Variants in ZSWIM6 observed in about 807,000 individuals in gnomAD.
ZSWIM6 encodes zinc finger SWIM-type containing 6.
A neutral mutation model predicts 113.2 loss-of-function variants in ZSWIM6; 9 were observed. The ratio of observed to expected loss-of-function variants is 0.08; its 90% CI spans 0.05 to 0.14. The LOEUF (loss-of-function observed/expected upper bound fraction) is 0.14, where lower values mean the gene tolerates loss of function less well. Ranked by LOEUF, ZSWIM6 falls within the 10% of genes least tolerant of loss-of-function variation. ZSWIM6 has a pLI of 1.00. For missense variants in ZSWIM6, 1,162 were observed against 1,552.2 expected, an observed-to-expected ratio of 0.75 and a Z score of 4.22; for synonymous variants, 611 against 606.5, an observed-to-expected ratio of 1.01 and a Z score of -0.11.
chr5:61,535,754 T>C, intron 10 of ZSWIM6, 135 bp downstream of exon 10: 3 of 1,148,972 alleles, frequency 2.6e-6, no homozygotes, highest in Non-Finnish European at 3.6e-6. Flanking sequence ...ATGCTTCCTG[T>C]ATTGTTGTGG....
chr5:61,375,082 G>T (rs557670663), intron 1 of ZSWIM6: 25 of 1,591,570 alleles, frequency 1.6e-5, no homozygotes, highest in Non-Finnish European at 2.1e-5. Context: ...GGTTTCCCTC[G>T]GTGTGCTACT....
rs1749853384 is a variant in ZSWIM6, at chr5:61,545,131, C to T, written c.*814C>T. The T allele has an allele frequency of 6.6e-6, 1 of 151,688 alleles. No homozygotes were observed. Among genetic ancestry groups the T allele is most frequent in the Non-Finnish European group, 1.5e-5 (1 of 67,994 alleles). The allele number at this position is 151,688 out of a possible 1,614,324, so 9.4% of individuals were successfully genotyped here. On this transcript the variant is annotated 3_prime_UTR_variant, in exon 14 of 14. Transcript: ENST00000252744. ...TCAGAAGGACTAAAAGTACGCCTTG[C>T]TTCAGGGTTGGCTCAGGTGGTGAAC...
chr5:61,431,433 T>TC, intron 1 of ZSWIM6, among the ~76,000 whole-genome samples: 1 of 151,108 alleles, frequency 6.6e-6, no homozygotes, highest in South Asian at 2.1e-4. Context: ...ATCTTTTTTT[T>TC]CTTCCTGTAT....
intron 1 of ZSWIM6, among the ~76,000 whole-genome samples, chr5:61,333,432 G>T (rs1744312885): frequency 6.6e-6 from 1 of 151,704 alleles, no homozygotes; most frequent in African/African-American, 2.4e-5. Context: ...CCTGTCGCTC[G>T]CTCCTTTTTC....
chr5:61,378,337 G>A (rs1745411571), intron 1 of ZSWIM6, among the ~76,000 whole-genome samples: 1 of 152,156 alleles, frequency 6.6e-6, no homozygotes, highest in Non-Finnish European at 1.5e-5. Context: ...ACTGATAGAG[G>A]ATGATGTAGA....
intron 1 of ZSWIM6, among the ~76,000 whole-genome samples, chr5:61,412,083 T>C (rs1746159349): frequency 6.6e-6 from 1 of 152,254 alleles, no homozygotes; most frequent in African/African-American, 2.4e-5. Flanking sequence ...ACTTTACTTC[T>C]GGTAAATCTA....
intron 1 of ZSWIM6, among the ~76,000 whole-genome samples, chr5:61,360,014 G>GAC (rs1280621913): frequency 2.6e-5 from 4 of 151,726 alleles, no homozygotes; most frequent in Admixed American, 2.6e-4. Flanking sequence ...GAGAGAGAGA[G>GAC]AGAGAGGGAG....
intron 2 of ZSWIM6, among the ~76,000 whole-genome samples, chr5:61,489,183 C>G (rs148692558): frequency 2.8e-3 from 421 of 152,144 alleles, no homozygotes; most frequent in Non-Finnish European, 4.1e-3. Flanking sequence ...AGACCCTTCT[C>G]TCCTTTCCTG....
intron 1 of ZSWIM6, among the ~76,000 whole-genome samples, chr5:61,436,453 A>G (rs1746709266): frequency 6.6e-6 from 1 of 152,032 alleles, no homozygotes; most frequent in African/African-American, 2.4e-5. Context: ...AATATACAGA[A>G]CTTATATATC....
At chr5:61,506,607 A>G (rs1748629334) in intron 4 of ZSWIM6, among the ~76,000 whole-genome samples, 1 of 152,134 alleles carries the variant, frequency 6.6e-6, no homozygotes, top group Non-Finnish European at 1.5e-5. Context: ...TTTTCCAAAC[A>G]TGGGATGACT....
At chr5:61,457,012 G>A (rs1747218393) in intron 1 of ZSWIM6, among the ~76,000 whole-genome samples, 4 of 150,666 alleles carry the variant, frequency 2.7e-5, no homozygotes, top group African/African-American at 7.3e-5. Flanking sequence ...CCACTAACTC[G>A]TCATCTAGCA....
At chr5:61,444,147 T>C (rs1746897086) in intron 1 of ZSWIM6, among the ~76,000 whole-genome samples, 3 of 135,090 alleles carry the variant, frequency 2.2e-5, no homozygotes, top group Non-Finnish European at 4.6e-5. Context: ...CCTTCCTGTG[T>C]CCATGTGTTC....
intron 2 of ZSWIM6, among the ~76,000 whole-genome samples, chr5:61,484,041 G>T (rs2112203384): frequency 6.6e-6 from 1 of 152,040 alleles, no homozygotes; most frequent in South Asian, 2.1e-4. Context: ...AAAATAAGTG[G>T]ATTATATTCT....
Position 61,355,440 on chromosome 5 carries a change from ACACACACACACACAC to A in ZSWIM6, c.676+22493_676+22507del, listed in dbSNP as rs1744881291. ...TCTTGAGAGACTTTAAAACACACACACACACACACACACACACACACACACACACACACACACACA... is the reference window on the plus strand; with the variant it reads ...TCTTGAGAGACTTTAAAACACACACAACACACACACACACACACACACACA... On this transcript the variant is annotated intron_variant, in intron 1 of 13. Transcript: ENST00000252744. Among the ~76,000 whole-genome samples, 190 of 40,522 alleles carry A rather than the reference ACACACACACACACAC, an allele frequency of 4.7e-3. 1 individual carries two copies. Among genetic ancestry groups the A allele is most frequent in the African/African-American group, 0.015 (167 of 10,810 alleles). 26.6% of individuals were successfully genotyped at this position (40,522 alleles called of 152,430 possible). A position where few individuals can be genotyped will look rare whatever the true frequency, so the allele number is the denominator to read the frequency against.
chr5:61,530,138 A>G lies in ZSWIM6; in HGVS notation c.1924A>G (p.Ser642Gly). The G allele has an allele frequency of 1.9e-6, 3 of 1,551,844 alleles. No homozygotes were observed. The highest frequency in any genetic ancestry group is 2.6e-6 in the Non-Finnish European group (3 of 1,146,956). Residue 642 changes from serine (S) to glycine (G), a missense_variant, in exon 8 of 14, where the codon AGC becomes GGC. Transcript: ENST00000252744. ...GGACCCTGTGGGCACTCTCTTCAGT[A>G]GCCTTATGGAAGCCTGCCGCATTGA... ...PLDPVGTLFS[S>G]LMEACRIDDE...
At chr5:61,374,306 A>C (rs1745323831) in intron 1 of ZSWIM6, among the ~76,000 whole-genome samples, 1 of 152,126 alleles carries the variant, frequency 6.6e-6, no homozygotes, top group African/African-American at 2.4e-5. Context: ...ATTGTTTCTT[A>C]TTTATATTTA....
Position 61,371,607 on chromosome 5 carries a change from G to T in ZSWIM6, c.676+38659G>T, listed in dbSNP as rs1479470166. Among the ~76,000 whole-genome samples, 7 of 152,300 alleles carry T rather than the reference G, an allele frequency of 4.6e-5. No homozygotes were observed. The South Asian group carries it at 1.2e-3, about 27-fold the overall frequency. ...TATCTTTTGATTTTTTTTCCTAAAG[G>T]TGAGTTTTATATAGGAATCTGTACC... On this transcript the variant is annotated intron_variant, in intron 1 of 13. Coordinates refer to ENST00000252744, the MANE Select transcript of ZSWIM6 (RefSeq NM_020928.2).
chr5:61,357,978 G>A (rs1222241734), intron 1 of ZSWIM6, among the ~76,000 whole-genome samples: 1 of 152,128 alleles, frequency 6.6e-6, no homozygotes, highest in African/African-American at 2.4e-5. Context: ...GGCAGACGTG[G>A]GAAAGTTGCC....
In ZSWIM6 at chr5:61,463,640, G is replaced by C. The variant is rs180723701; in HGVS notation, c.677-9041G>C. Reference sequence around the variant, plus strand: ...CTTCTGGAGTACCTCCTCCAAGATAGTCCTCTGTGATGGGGATTCCACAGA... The same window carrying C: ...CTTCTGGAGTACCTCCTCCAAGATACTCCTCTGTGATGGGGATTCCACAGA... On this transcript the variant is annotated intron_variant, in intron 1 of 13. Transcript: ENST00000252744. Among the ~76,000 whole-genome samples, 88 of 152,294 alleles carry C rather than the reference G, an allele frequency of 5.8e-4. 2 individuals carry two copies. Among genetic ancestry groups the C allele is most frequent in the African/African-American group, 2.0e-3 (83 of 41,566 alleles).
Sources: allele counts gnomAD v4.1 joint callset (sites outside exome capture counted in the v4.1 genomes callset), GRCh38; gene constraint gnomAD v4.1.1; transcripts MANE v1.5; gene names NCBI Gene and HGNC (gene_info 2026-07-23, HGNC 2026-07-21).